IFTAP: variants seen among roughly 807,000 people sequenced by gnomAD.
IFTAP encodes the protein intraflagellar transport-associated protein.
IFTAP carries 19 observed loss-of-function variants against 19.4 expected under a neutral mutation model. The ratio of observed to expected loss-of-function variants is 0.98; its 90% CI spans 0.68 to 1.44. The LOEUF (loss-of-function observed/expected upper bound fraction) is 1.44, where lower values mean the gene tolerates loss of function less well. Ranked by LOEUF, IFTAP falls within the 40% of genes most tolerant of loss-of-function variation. The probability of loss-of-function intolerance (pLI) is 0.00; values close to 1 mark genes in which losing one functional copy is unlikely to be tolerated. For missense variants in IFTAP, 240 were observed against 253.6 expected (o/e 0.95, Z 0.36); for synonymous variants, 85 against 83.5 (o/e 1.02, Z -0.10).
chr11:36,641,783 A>T (rs1853212487), intron 4 of IFTAP, among the ~76,000 whole-genome samples: 1 of 152,132 alleles, frequency 6.6e-6, no homozygotes, highest in African/African-American at 2.4e-5. Flanking sequence ...GTAGATGTCT[A>T]TTAGGTCCGC....
chr11:36,623,453 C>G (rs1265960120), intron 2 of IFTAP, among the ~76,000 whole-genome samples: 1 of 151,192 alleles, frequency 6.6e-6, no homozygotes, highest in Non-Finnish European at 1.5e-5. Context: ...GGCATTTTGA[C>G]AGTGAAAAAG....
chr11:36,634,070 C>T (rs1245365897), intron 3 of IFTAP, among the ~76,000 whole-genome samples: 10 of 152,000 alleles, frequency 6.6e-5, no homozygotes, highest in Non-Finnish European at 1.5e-4. Context: ...ACAAAAATCT[C>T]TGTGTTAGAA....
At chr11:36,595,733 C>T (rs1296183223) in intron 1 of IFTAP, among the ~76,000 whole-genome samples, 4 of 152,220 alleles carry the variant, frequency 2.6e-5, no homozygotes, top group Non-Finnish European at 5.9e-5. Flanking sequence ...GTACTTAGAA[C>T]AGGGATTTGC....
rs144490050 is a variant in IFTAP at position 36,599,642 on chromosome 11, AT to A, written c.-24+5059del. On this transcript the variant is annotated intron_variant, in intron 1 of 5. Coordinates refer to ENST00000334307, the MANE Select transcript of IFTAP (RefSeq NM_138787.4). ...ATTTTAGTGTATATTTTCAGGGTTG[AT>A]TTTTTTTTAAACAGATGTATGTAGC... 1.8e-3 allele frequency among the ~76,000 whole-genome samples: 277 copies of A among 151,652 alleles called. 4 individuals carry two copies. The East Asian group carries it at 0.024, about 13-fold the overall frequency.
intron 5 of IFTAP, among the ~76,000 whole-genome samples, chr11:36,658,313 G>C (rs1003225046): frequency 6.7e-6 from 1 of 150,026 alleles, no homozygotes; most frequent in Non-Finnish European, 1.5e-5. Context: ...CATACTCTTG[G>C]TTTATTGGAA....
intron 4 of IFTAP, among the ~76,000 whole-genome samples, chr11:36,638,422 A>G (rs1443061504): frequency 6.6e-6 from 1 of 152,140 alleles, no homozygotes; most frequent in Non-Finnish European, 1.5e-5. Context: ...ACTCGTCAAG[A>G]CCTTCCCACA....
At chr11:36,625,613 C>T (rs1329031106) in intron 2 of IFTAP, among the ~76,000 whole-genome samples, 2 of 152,116 alleles carry the variant, frequency 1.3e-5, no homozygotes, top group Admixed American at 6.6e-5. Context: ...CATTGCACGC[C>T]CTCATTCATT....
At chr11:36,652,212 T>C (rs1419434492) in intron 5 of IFTAP, among the ~76,000 whole-genome samples, 1 of 152,214 alleles carries the variant, frequency 6.6e-6, no homozygotes, top group African/African-American at 2.4e-5. Context: ...TTTGTTTGTG[T>C]TCTCTTTTAT....
chr11:36,640,639 A>G (rs1318840143), intron 4 of IFTAP, among the ~76,000 whole-genome samples: 1 of 152,224 alleles, frequency 6.6e-6, no homozygotes, highest in Non-Finnish European at 1.5e-5. Context: ...AACTAATAGT[A>G]TTCATTGCCA....
intron 5 of IFTAP, among the ~76,000 whole-genome samples, chr11:36,657,676 G>A (rs937118419): frequency 1.3e-5 from 2 of 152,044 alleles, no homozygotes; most frequent in Non-Finnish European, 2.9e-5. Context: ...GTGTATTTTG[G>A]GCAAGTTACT....
chr11:36,600,412 C>T (rs541886108), intron 1 of IFTAP, among the ~76,000 whole-genome samples: 2 of 152,298 alleles, frequency 1.3e-5, no homozygotes, highest in African/African-American at 2.4e-5. Context: ...TGCTATGTGG[C>T]ATTAGATTCT....
intron 4 of IFTAP, among the ~76,000 whole-genome samples, chr11:36,644,622 G>A (rs1408878620): frequency 6.6e-6 from 1 of 152,026 alleles, no homozygotes; most frequent in Non-Finnish European, 1.5e-5. Context: ...ATGATAGACT[G>A]GATTAAGAAA....
chr11:36,620,442 T>A (rs915863388), intron 2 of IFTAP, among the ~76,000 whole-genome samples: 4 of 152,026 alleles, frequency 2.6e-5, no homozygotes, highest in Non-Finnish European at 5.9e-5. Flanking sequence ...AATTGACAAA[T>A]TATGAAACAC....
rs1276858241 is a variant in IFTAP at position 36,659,212 on chromosome 11, T to C, written c.*26T>C. ...TTCACAGAGGCATTTTGTGTGTGTG[T>C]GCTTATTTTAATTTTGTTCTTATTC... On this transcript the variant is annotated 3_prime_UTR_variant, in exon 6 of 6. Transcript: ENST00000334307. 2.0e-6 allele frequency: 3 copies of C among 1,516,128 alleles called. No individual in the cohort carries two copies. The highest frequency in any genetic ancestry group is 2.3e-5 in the Admixed American group (1 of 44,020). The allele number at this position is 1,516,128 out of a possible 1,614,324, so 93.9% of individuals were successfully genotyped here.
chr11:36,653,019 A>G (rs1686446681), intron 5 of IFTAP, among the ~76,000 whole-genome samples: 1 of 152,084 alleles, frequency 6.6e-6, no homozygotes, highest in African/African-American at 2.4e-5. Flanking sequence ...AAACTGTAGG[A>G]GAGGTCATAG....
chr11:36,597,902 G>T (rs969204549), intron 1 of IFTAP, among the ~76,000 whole-genome samples: 2 of 151,970 alleles, frequency 1.3e-5, no homozygotes, highest in South Asian at 2.1e-4. Context: ...TGCTCTAAAG[G>T]CCTAATAATT....
intron 3 of IFTAP, among the ~76,000 whole-genome samples, chr11:36,635,822 A>T (rs1159579597): frequency 6.6e-6 from 1 of 152,206 alleles, no homozygotes; most frequent in African/African-American, 2.4e-5. Context: ...CAGAGGCCTG[A>T]CTATGGTGCC....
chr11:36,646,752 TTGTC>T (rs987564259), intron 4 of IFTAP, among the ~76,000 whole-genome samples: 1 of 152,154 alleles, frequency 6.6e-6, no homozygotes, highest in Non-Finnish European at 1.5e-5. Flanking sequence ...TCTTAGCTCA[TTGTC>T]TGTAAAATGG....
At position 36,633,424 on chromosome 11, in the gene IFTAP, T is replaced by C. The variant is rs758790282; in HGVS notation, c.277T>C (p.Cys93Arg). ...KTIFLRTSSQ[C>R]LEEQVDNFLD... ...CATCTTTCTTCGTACTTCATCACAA[T>C]GTTTGGAAGAACAGGTAATACCAAC... Residue 93 changes from cysteine to arginine, a missense_variant, in exon 3 of 6, where the codon TGT becomes CGT. Cys to Arg is a radical substitution (Grantham distance 180). Transcript: ENST00000334307. The C allele has an allele frequency of 4.6e-5, 74 of 1,593,280 alleles. No homozygotes were observed. The highest frequency in any genetic ancestry group is 6.2e-5 in the Non-Finnish European group (73 of 1,171,104).
Sources: allele counts gnomAD v4.1 joint callset (sites outside exome capture counted in the v4.1 genomes callset), GRCh38; gene constraint gnomAD v4.1.1; transcripts MANE v1.5; gene names NCBI Gene and HGNC (gene_info 2026-07-23, HGNC 2026-07-21).